DPP6: variants seen among roughly 807,000 people sequenced by gnomAD.
DPP6 encodes the protein A-type potassium channel modulatory protein DPP6.
Under a neutral mutation model 122.6 loss-of-function variants are expected in DPP6, and 69 were observed. The observed-to-expected ratio is 0.56, with a 90% confidence interval of 0.46 to 0.69. The LOEUF is 0.69. Ranked by LOEUF, DPP6 falls within the 30% of genes least tolerant of loss-of-function variation. DPP6 has a pLI of 0.00. For missense variants in DPP6, 928 were observed against 1,116.9 expected (o/e 0.83, Z 2.41); for synonymous variants, 418 against 433.1 (o/e 0.97, Z 0.43).
intron 1 of DPP6, among the ~76,000 whole-genome samples, chr7:154,063,586 G>A (rs1408559224): frequency 1.6e-4 from 17 of 107,682 alleles, no homozygotes; most frequent in South Asian, 3.5e-4. Flanking sequence ...CTGGCTGATA[G>A]TACCCCCATC....
rs757703308 is a variant in DPP6, at chr7:154,804,870, C to T, written c.1500-47C>T. ...TAGTGCCAGGAATGTGAAGTGCAGA[C>T]GTGCCTTGGAGCAAACTAACCCTGT... is the stretch of plus-strand genomic sequence containing the variant. On this transcript the variant is annotated intron_variant, in intron 14 of 25. Transcript: ENST00000377770. 1.5e-5 allele frequency: 24 copies of T among 1,574,720 alleles called. No homozygotes were observed. The African/African-American group carries it at 1.9e-4, about 12-fold the overall frequency.
chr7:154,320,269 C>T (rs991231543), intron 1 of DPP6, among the ~76,000 whole-genome samples: 3 of 152,022 alleles, frequency 2.0e-5, no homozygotes, highest in Non-Finnish European at 4.4e-5. Context: ...CACTTCAGGC[C>T]GGCCCTGTGT....
the DPP6 span, among the ~76,000 whole-genome samples, chr7:153,780,714 C>T: frequency 1.3e-5 from 2 of 152,074 alleles, no homozygotes; most frequent in Admixed American, 1.3e-4. Context: ...TCACTGTGGG[C>T]TGCTGGTAAG....
chr7:153,830,237 A>G, the DPP6 span, among the ~76,000 whole-genome samples: 1 of 152,214 alleles, frequency 6.6e-6, no homozygotes, highest in Non-Finnish European at 1.5e-5. Flanking sequence ...TTGTTAGCCA[A>G]AAAGCCCTCA....
At chr7:154,369,092 A>G (rs989031107) in intron 1 of DPP6, among the ~76,000 whole-genome samples, 1 of 151,980 alleles carries the variant, frequency 6.6e-6, no homozygotes, top group African/African-American at 2.4e-5. Context: ...TTGTTTGTTC[A>G]TTCGTTCGTT....
chr7:154,104,959 C>G (rs1483373538), intron 1 of DPP6, among the ~76,000 whole-genome samples: 1 of 151,850 alleles, frequency 6.6e-6, no homozygotes, highest in Non-Finnish European at 1.5e-5. Flanking sequence ...ATAACAAACA[C>G]TCAGTGTAAG....
chr7:154,811,092 T>C (rs1229720766), intron 16 of DPP6, among the ~76,000 whole-genome samples: 1 of 152,246 alleles, frequency 6.6e-6, no homozygotes, highest in Non-Finnish European at 1.5e-5. Flanking sequence ...CCCTCTTCTC[T>C]ACAAAATTGC....
At chr7:154,578,489 AGCAGGG>A (rs1831829370) in intron 5 of DPP6, among the ~76,000 whole-genome samples, 2 of 151,496 alleles carry the variant, frequency 1.3e-5, no homozygotes, top group East Asian at 3.9e-4. Flanking sequence ...TGCAAGAGTA[AGCAGGG>A]GCTATTCGGG....
intron 5 of DPP6, among the ~76,000 whole-genome samples, chr7:154,628,969 G>C (rs559246789): frequency 7.2e-5 from 11 of 152,302 alleles, no homozygotes; most frequent in African/African-American, 2.6e-4. Flanking sequence ...AATGGGGGCT[G>C]TAATTCAGAC....
intron 1 of DPP6, among the ~76,000 whole-genome samples, chr7:154,055,176 T>C (rs751356667): frequency 6.8e-6 from 1 of 147,054 alleles, no homozygotes; most frequent in Non-Finnish European, 1.5e-5. Context: ...GATATATATA[T>C]GCACACATAT....
intron 7 of DPP6, among the ~76,000 whole-genome samples, chr7:154,686,063 A>G (rs1207795115): frequency 6.6e-6 from 1 of 150,788 alleles, no homozygotes. Flanking sequence ...GGCCTTTTAG[A>G]TAGGGCTCAC....
chr7:154,215,850 G>A (rs1799967230), intron 1 of DPP6, among the ~76,000 whole-genome samples: 1 of 152,126 alleles, frequency 6.6e-6, no homozygotes, highest in African/African-American at 2.4e-5. Flanking sequence ...GCAGCTGACT[G>A]ATATGGAGGG....
At chr7:153,914,941 T>C (rs968705145) in intron 1 of DPP6, among the ~76,000 whole-genome samples, 7 of 152,244 alleles carry the variant, frequency 4.6e-5, no homozygotes, top group African/African-American at 1.4e-4. Flanking sequence ...CTTGCTTTTA[T>C]TTATTATTTA....
At chr7:154,551,875 T>C (rs1415799117) in intron 4 of DPP6, among the ~76,000 whole-genome samples, 2 of 152,108 alleles carry the variant, frequency 1.3e-5, no homozygotes, top group Admixed American at 6.5e-5. Flanking sequence ...ACGGCAGAGA[T>C]AGTTGCGAAT....
At chr7:153,770,222 C>A in the DPP6 span, among the ~76,000 whole-genome samples, 1 of 152,048 alleles carries the variant, frequency 6.6e-6, no homozygotes, top group Non-Finnish European at 1.5e-5. Context: ...ATACTCATTG[C>A]AACTGGTGTA....
At chr7:154,605,293 G>C (rs1488928) in intron 5 of DPP6, among the ~76,000 whole-genome samples, 50,874 of 116,514 alleles carry the variant, frequency 0.44, 20,982 homozygotes, top group Non-Finnish European at 0.66. Flanking sequence ...GATGTACTTT[G>C]AGGGTCCTCA....
At chr7:154,071,371 G>A (rs1296521238) in intron 1 of DPP6, among the ~76,000 whole-genome samples, 1 of 152,184 alleles carries the variant, frequency 6.6e-6, no homozygotes, top group Non-Finnish European at 1.5e-5. Flanking sequence ...CCCTCCGAAG[G>A]CCTTGCAGTC....
At chr7:154,004,976 G>C (rs1412516839) in intron 1 of DPP6, among the ~76,000 whole-genome samples, 1 of 152,030 alleles carries the variant, frequency 6.6e-6, no homozygotes, top group African/African-American at 2.4e-5. Flanking sequence ...TATGTCAAAA[G>C]ATGCCATTGC....
At chr7:154,338,048 C>A (rs1809588156) in intron 1 of DPP6, among the ~76,000 whole-genome samples, 1 of 152,234 alleles carries the variant, frequency 6.6e-6, no homozygotes, top group African/African-American at 2.4e-5. Flanking sequence ...AGATTGTTTT[C>A]ACGTGGCATT....
Sources: gnomAD v4.1 joint callset for allele counts (sites outside exome capture counted in the v4.1 genomes callset) on GRCh38, gnomAD v4.1.1 for gene constraint, MANE v1.5 for transcripts, NCBI Gene and HGNC (gene_info 2026-07-23, HGNC 2026-07-21) for gene names.